BTBD16: variants seen among roughly 807,000 people sequenced by gnomAD.
The protein encoded by BTBD16 is BTB/POZ domain-containing protein 16.
Under a neutral mutation model 67.4 loss-of-function variants are expected in BTBD16, and 66 were observed. The observed-to-expected ratio is 0.98, with a 90% CI of 0.80 to 1.20. BTBD16 has a LOEUF of 1.20. BTBD16 is among the 50% of genes most tolerant of loss of function. BTBD16 has a pLI of 0.00. For synonymous variants in BTBD16, 242 were observed against 236.4 expected (o/e 1.02, Z -0.22); for missense variants, 634 against 616.0 (o/e 1.03, Z -0.31).
intron 1 of BTBD16, among the ~76,000 whole-genome samples, chr10:122,272,189 A>G (rs760576181): frequency 9.9e-5 from 15 of 152,210 alleles, no homozygotes; most frequent in Non-Finnish European, 1.8e-4. Flanking sequence ...GAAAACACAC[A>G]TTGCTGTAAA....
intron 9 of BTBD16, among the ~76,000 whole-genome samples, chr10:122,306,663 C>A (rs576937094): frequency 6.6e-6 from 1 of 152,010 alleles, no homozygotes; most frequent in East Asian, 1.9e-4. Flanking sequence ...CACCTTGGTG[C>A]GAAATTTAAG....
At chr10:122,290,563 C>A (rs1323825805) in intron 6 of BTBD16, among the ~76,000 whole-genome samples, 7 of 152,182 alleles carry the variant, frequency 4.6e-5, no homozygotes, top group Admixed American at 1.3e-4. Context: ...CCAGAGGACA[C>A]TCTGACGGTG....
At chr10:122,302,471 T>C (rs1398335702) in intron 9 of BTBD16, among the ~76,000 whole-genome samples, 1 of 152,202 alleles carries the variant, frequency 6.6e-6, no homozygotes, top group Non-Finnish European at 1.5e-5. Context: ...AAAGACTACC[T>C]TGCGACCAGG....
At chr10:122,297,638 C>A (rs1156548463) in intron 7 of BTBD16, 130 bp from the exon 8 acceptor site, 2 of 941,074 alleles carry the variant, frequency 2.1e-6, no homozygotes, top group Non-Finnish European at 3.3e-6. Context: ...ATGTCCATAC[C>A]CCTAAAGCGA....
At chr10:122,284,673 A>ATTTTT (rs60823097) in intron 4 of BTBD16, among the ~76,000 whole-genome samples, 1 of 124,692 alleles carries the variant, frequency 8.0e-6, no homozygotes, top group Non-Finnish European at 1.7e-5. Flanking sequence ...CTTAAAGTGG[A>ATTTTT]TTTTTTTTTT....
chr10:122,332,748 C>T (rs1041682600), intron 13 of BTBD16: 1 of 885,062 alleles, frequency 1.1e-6, no homozygotes, highest in African/African-American at 1.8e-5. Flanking sequence ...ACCAGCAGTC[C>T]TGGTGGTACT....
chr10:122,311,929 T>C (rs1234387899), intron 10 of BTBD16, among the ~76,000 whole-genome samples: 2 of 152,236 alleles, frequency 1.3e-5, no homozygotes, highest in East Asian at 1.9e-4. Context: ...CACACAATAA[T>C]GTATCTGTAA....
In BTBD16 at chr10:122,338,114, C is replaced by A; in HGVS notation, c.*29C>A. 5 of 1,505,394 alleles carry A rather than the reference C, an allele frequency of 3.3e-6. No individual in the cohort carries two copies. Among genetic ancestry groups the A allele is most frequent in the Non-Finnish European group, 4.6e-6 (5 of 1,082,026 alleles). 93.3% of individuals were successfully genotyped at this position (1,505,394 alleles called of 1,614,324 possible). Reference sequence around the variant, plus strand: ...TTTCCAGAAGAATCTATGGGATTTTCCCCCCACTGGTCTGCATAAAAGAAA... The same window carrying A: ...TTTCCAGAAGAATCTATGGGATTTTACCCCCACTGGTCTGCATAAAAGAAA... On this transcript the variant is annotated 3_prime_UTR_variant, in exon 16 of 16. Transcript: ENST00000260723.
rs199722976 is a variant in BTBD16 at position 122,276,809 on chromosome 10, C to T, written c.37C>T (p.Arg13Cys). 136 of 1,614,210 alleles carry T rather than the reference C, an allele frequency of 8.4e-5. 1 individual carries two copies. The highest frequency in any genetic ancestry group is 4.9e-4 in the Middle Eastern group (3 of 6,062). The change falls in exon 3 of 16, where the codon CGC becomes TGC. Residue 13 changes from arginine (R) to cysteine (C), a missense_variant. Coordinates refer to ENST00000260723, the MANE Select transcript of BTBD16 (RefSeq NM_144587.5). ...MSNTHKARLE[R>C]RVTGSTNRWR... is the part of the protein sequence containing the mutation. ...CAAGCAGCACAAAGCTCGGCTGGAA[C>T]GCCGGGTCACTGGCTCAACCAACCG... is the stretch of plus-strand genomic sequence containing the variant.
chr10:122,317,765 C>G (rs2096428488), intron 10 of BTBD16, among the ~76,000 whole-genome samples: 1 of 152,202 alleles, frequency 6.6e-6, no homozygotes, highest in Non-Finnish European at 1.5e-5. Flanking sequence ...TCTTCCACCT[C>G]CACATCTTGT....
intron 7 of BTBD16, among the ~76,000 whole-genome samples, chr10:122,292,758 A>T (rs1457013570): frequency 6.6e-6 from 1 of 152,236 alleles, no homozygotes; most frequent in African/African-American, 2.4e-5. Flanking sequence ...CCTGTCCAAC[A>T]GTCTCCATGA....
intron 10 of BTBD16, among the ~76,000 whole-genome samples, chr10:122,321,455 C>T (rs2096435310): frequency 6.6e-6 from 1 of 152,234 alleles, no homozygotes; most frequent in Non-Finnish European, 1.5e-5. Context: ...AGTGGCTGAA[C>T]TAATTTACAT....
chr10:122,291,392 C>T (rs375705847), intron 7 of BTBD16, 198 bp downstream of exon 7: 21 of 594,450 alleles, frequency 3.5e-5, no homozygotes, highest in African/African-American at 1.7e-4. Flanking sequence ...TCCAGCAACA[C>T]GCTAGTTTTA....
chr10:122,313,857 T>C (rs997697371), intron 10 of BTBD16, among the ~76,000 whole-genome samples: 44 of 152,350 alleles, frequency 2.9e-4, no homozygotes, highest in African/African-American at 1.0e-3. Flanking sequence ...GTTAGTGTCA[T>C]ACGACTATAT....
chr10:122,328,475 C>T (rs777143887), intron 10 of BTBD16, among the ~76,000 whole-genome samples: 3 of 152,176 alleles, frequency 2.0e-5, no homozygotes, highest in Non-Finnish European at 4.4e-5. Flanking sequence ...AGCAGTTGGG[C>T]GGTCCCAGGA....
chr10:122,275,242 G>C, intron 2 of BTBD16, 143 bp downstream of exon 2: 1 of 803,836 alleles, frequency 1.2e-6, no homozygotes, highest in East Asian at 2.5e-5. Flanking sequence ...GAAAGAGCGC[G>C]TCCAGGCAGC....
At chr10:122,317,507 C>A (rs1353095778) in intron 10 of BTBD16, among the ~76,000 whole-genome samples, 1 of 151,912 alleles carries the variant, frequency 6.6e-6, no homozygotes, top group Admixed American at 6.6e-5. Flanking sequence ...ATTAGCCGGG[C>A]ATGGTGGCGG....
chr10:122,316,299 C>G (rs2096424266), intron 10 of BTBD16, among the ~76,000 whole-genome samples: 1 of 151,916 alleles, frequency 6.6e-6, no homozygotes, highest in Non-Finnish European at 1.5e-5. Flanking sequence ...AAACAAAAAT[C>G]CACTTGTCCT....
At chr10:122,286,522 G>T (rs1312970288) in intron 5 of BTBD16, among the ~76,000 whole-genome samples, 2 of 152,130 alleles carry the variant, frequency 1.3e-5, no homozygotes, top group African/African-American at 4.8e-5. Context: ...GTACATGCCA[G>T]TTATTATCTT....
Sources: gnomAD v4.1 joint callset for allele counts (sites outside exome capture counted in the v4.1 genomes callset) on GRCh38, gnomAD v4.1.1 for gene constraint, MANE v1.5 for transcripts, NCBI Gene and HGNC (gene_info 2026-07-23, HGNC 2026-07-21) for gene names.